SETD3: variants seen among roughly 807,000 people sequenced by gnomAD.
SETD3 encodes SET domain containing 3, actin N3(tau)-histidine methyltransferase.
In SETD3, 19 loss-of-function variants were observed where a neutral mutation model predicts 63.0. That is an observed-to-expected ratio of 0.30 (90% CI 0.21 to 0.44). The LOEUF (loss-of-function observed/expected upper bound fraction) is 0.44. Ranked by LOEUF, SETD3 falls within the 20% of genes least tolerant of loss-of-function variation. SETD3 has a pLI of 1.00. For synonymous variants in SETD3, 286 were observed against 264.1 expected (o/e 1.08, Z -0.80); for missense variants, 587 against 728.5 (o/e 0.81, Z 2.24).
intron 6 of SETD3, among the ~76,000 whole-genome samples, chr14:99,445,322 C>T (rs1298809494): frequency 6.6e-6 from 1 of 152,230 alleles, no homozygotes; most frequent in African/African-American, 2.4e-5. Flanking sequence ...TTCACCAACT[C>T]ACTATACATT....
rs556917891 is a variant in SETD3, at chr14:99,435,735, C to G, written c.676-21801G>C. Among the ~76,000 whole-genome samples, 387 of 128,628 alleles carry G rather than the reference C, an allele frequency of 3.0e-3. 1 individual carries two copies. The highest frequency in any genetic ancestry group is 4.1e-3 in the South Asian group (16 of 3,918). The allele number at this position is 128,628 out of a possible 152,430, so 84.4% of individuals were successfully genotyped here. Reference sequence around the variant, plus strand: ...TAGGAGAAACAAGGCAGGTTCCCCACCCCCCCACCTTTTTTTTTTTTTTTG... The same window carrying G: ...TAGGAGAAACAAGGCAGGTTCCCCAGCCCCCCACCTTTTTTTTTTTTTTTG... On this transcript the variant is annotated intron_variant, in intron 6 of 12. Coordinates refer to ENST00000331768, the MANE Select transcript of SETD3 (RefSeq NM_032233.3).
intron 6 of SETD3, among the ~76,000 whole-genome samples, chr14:99,445,597 T>C (rs933480688): frequency 3.9e-5 from 6 of 152,142 alleles, no homozygotes; most frequent in Admixed American, 1.3e-4. Flanking sequence ...GTCTAAACCA[T>C]TAAGAGCAGA....
At chr14:99,470,463 G>A (rs1343766701) in intron 1 of SETD3, among the ~76,000 whole-genome samples, 1 of 152,196 alleles carries the variant, frequency 6.6e-6, no homozygotes, top group Non-Finnish European at 1.5e-5. Context: ...GATGGGGGCA[G>A]GGGGGCTGCC....
At chr14:99,402,030 C>T (rs1288701989) in intron 11 of SETD3, among the ~76,000 whole-genome samples, 3 of 152,196 alleles carry the variant, frequency 2.0e-5, no homozygotes, top group Middle Eastern at 3.2e-3. Flanking sequence ...ACAGGGCCTG[C>T]AAATTATCCC....
intron 6 of SETD3, among the ~76,000 whole-genome samples, chr14:99,441,220 C>T (rs1466207490): frequency 6.6e-6 from 1 of 152,190 alleles, no homozygotes; most frequent in Non-Finnish European, 1.5e-5. Context: ...ATGGGCTGGA[C>T]CTCACTCCTT....
In SETD3 at chr14:99,398,565, A is replaced by G. The variant is rs943639253; in HGVS notation, c.*114T>C. On this transcript the variant is annotated 3_prime_UTR_variant, in exon 13 of 13. Transcript: ENST00000331768. The stretch of plus-strand genomic sequence containing the variant: ...AAACCATTTTTATATAAAGCAGCAA[A>G]AACATATCTTCCTCTCTGCAGAAAG... The G allele has an allele frequency of 5.8e-6, 6 of 1,034,842 alleles. No individual in the cohort carries two copies. In the East Asian group the frequency reaches 1.4e-4, roughly 25 times the overall value. The allele number at this position is 1,034,842 out of a possible 1,614,324, so 64.1% of individuals were successfully genotyped here. A position where few individuals can be genotyped will look rare whatever the true frequency, so the allele number is the denominator to read the frequency against.
At chr14:99,440,761 T>G (rs1463804166) in intron 6 of SETD3, among the ~76,000 whole-genome samples, 1 of 149,616 alleles carries the variant, frequency 6.7e-6, no homozygotes, top group Admixed American at 6.7e-5. Context: ...CAAAAGGGGC[T>G]TGACAGTGTT....
At chr14:99,472,402 T>G (rs1438479980) in intron 1 of SETD3, among the ~76,000 whole-genome samples, 1 of 152,196 alleles carries the variant, frequency 6.6e-6, no homozygotes, top group African/African-American at 2.4e-5. Context: ...TTCCCCAACC[T>G]TATGGATTTA....
intron 1 of SETD3, among the ~76,000 whole-genome samples, chr14:99,479,200 G>A (rs1263940500): frequency 2.0e-5 from 3 of 152,230 alleles, no homozygotes; most frequent in African/African-American, 7.2e-5. Flanking sequence ...AGGGCAGACA[G>A]GAAAGGGGTA....
chr14:99,398,951 T>A lies in SETD3; in HGVS notation c.1513A>T (p.Ser505Cys). Residue 505 changes from serine (S) to cysteine (C), a missense_variant, in exon 13 of 13, where the codon AGT becomes TGT. Ser to Cys is a moderately radical substitution (Grantham distance 112). Coordinates refer to ENST00000331768, the MANE Select transcript of SETD3 (RefSeq NM_032233.3). The stretch of plus-strand genomic sequence containing the variant: ...CTGCTCTCCAACAGCCCAAGGTTAC[T>A]CTCTTCATATTTGGGAAGCGGAGCC... ...EKAPLPKYEE[S>C]NLGLLESSVG... is the part of the protein sequence containing the mutation. 1 of 1,614,114 alleles carries A rather than the reference T, an allele frequency of 6.2e-7. No individual in the cohort carries two copies. Among genetic ancestry groups the A allele is most frequent in the Non-Finnish European group, 8.5e-7 (1 of 1,179,960 alleles).
chr14:99,476,344 A>G (rs1895971239), intron 1 of SETD3, among the ~76,000 whole-genome samples: 1 of 152,222 alleles, frequency 6.6e-6, no homozygotes, highest in Admixed American at 6.5e-5. Context: ...CCTTGCACTG[A>G]TAAAACATAC....
At chr14:99,437,024 G>A (rs909926249) in intron 6 of SETD3, among the ~76,000 whole-genome samples, 9 of 152,196 alleles carry the variant, frequency 5.9e-5, no homozygotes, top group African/African-American at 2.2e-4. Flanking sequence ...GGATAGAGAA[G>A]ATAGTTCAGT....
chr14:99,467,656 C>T (rs1895462853), intron 1 of SETD3, among the ~76,000 whole-genome samples: 1 of 152,208 alleles, frequency 6.6e-6, no homozygotes, highest in South Asian at 2.1e-4. Context: ...GCTTAGCTGG[C>T]CTCTCCCTTC....
chr14:99,441,968 G>GA (rs1381857292), intron 6 of SETD3, among the ~76,000 whole-genome samples: 16 of 152,166 alleles, frequency 1.1e-4, no homozygotes, highest in African/African-American at 3.9e-4. Context: ...TAAAGTGAGA[G>GA]AAATCATGGT....
intron 5 of SETD3, 120 bp from the exon 6 acceptor site, chr14:99,458,655 A>C: frequency 7.7e-7 from 1 of 1,301,374 alleles, no homozygotes; most frequent in Admixed American, 2.6e-5. Flanking sequence ...AGTCAGGTAC[A>C]GGCTGGGCGC....
Position 99,469,573 on chromosome 14 carries a change from G to A in SETD3, c.-8-3760C>T, listed in dbSNP as rs575258241. ...AGCCTGGAAAACATGGCAAAACCTTGTCTCTACAAAACAATATAAAAATTA... is the reference window on the plus strand; with the variant it reads ...AGCCTGGAAAACATGGCAAAACCTTATCTCTACAAAACAATATAAAAATTA... On this transcript the variant is annotated intron_variant, in intron 1 of 12. Coordinates refer to ENST00000331768, the MANE Select transcript of SETD3 (RefSeq NM_032233.3). 2.6e-5 allele frequency among the ~76,000 whole-genome samples: 4 copies of A among 152,256 alleles called. No homozygotes were observed. In the South Asian group the frequency reaches 8.3e-4, roughly 32 times the overall value.
intron 6 of SETD3, among the ~76,000 whole-genome samples, chr14:99,446,467 T>A (rs984155514): frequency 2.0e-5 from 3 of 152,164 alleles, no homozygotes; most frequent in African/African-American, 7.2e-5. Context: ...CAGCGGGCAT[T>A]GCCTAACCTT....
rs201395609 is a variant in SETD3 at position 99,412,957 on chromosome 14, G to A, written c.843C>T (p.Asn281=). Residue 281 remains asparagine (N), a synonymous_variant, in exon 8 of 13, where the codon AAC becomes AAT. Coordinates refer to ENST00000331768, the MANE Select transcript of SETD3 (RefSeq NM_032233.3). ...IPLWDMCNHT[N]GLITTGYNLE... ...CAGGGGAAGAGGTCGTTACCAGGCC[G>A]TTGGTGTGGTTACACATATCCCATA... The A allele has an allele frequency of 1.5e-5, 24 of 1,605,162 alleles. No homozygotes were observed. The highest frequency in any genetic ancestry group is 1.5e-5 in the Non-Finnish European group (18 of 1,171,896).
At chr14:99,467,356 G>A (rs994347868) in intron 1 of SETD3, among the ~76,000 whole-genome samples, 5 of 152,144 alleles carry the variant, frequency 3.3e-5, no homozygotes, top group African/African-American at 1.2e-4. Flanking sequence ...GACAGCTTAA[G>A]CACCTTTTCC....
Sources: allele counts gnomAD v4.1 joint callset (sites outside exome capture counted in the v4.1 genomes callset), GRCh38; gene constraint gnomAD v4.1.1; transcripts MANE v1.5; gene names NCBI Gene and HGNC (gene_info 2026-07-23, HGNC 2026-07-21).